CCDC88A: variants seen among roughly 807,000 people sequenced by gnomAD.
CCDC88A encodes girdin.
Under a neutral mutation model 234.3 loss-of-function variants are expected in CCDC88A, and 54 were observed. The observed-to-expected ratio is 0.23, with a 90% CI of 0.19 to 0.29. The LOEUF (loss-of-function observed/expected upper bound fraction) is 0.29. CCDC88A is among the 10% of genes least tolerant of loss of function. The probability of loss-of-function intolerance (pLI) is 1.00; values close to 1 mark genes in which losing one functional copy is unlikely to be tolerated. For missense variants in CCDC88A, 1,832 were observed against 2,123.4 expected (o/e 0.86, Z 2.70); for synonymous variants, 753 against 737.8 (o/e 1.02, Z -0.33).
At chr2:55,386,068 C>T (rs1675557979) in intron 3 of CCDC88A, among the ~76,000 whole-genome samples, 1 of 149,898 alleles carries the variant, frequency 6.7e-6, no homozygotes, top group Non-Finnish European at 1.5e-5. Flanking sequence ...ACTAAAAATA[C>T]AAAAATGAGC....
In CCDC88A at chr2:55,332,738, T is replaced by TA. The variant is rs200263842; in HGVS notation, c.2728-46dup. ...AAAACTCACCTAAGTGTCAAGGGTA[T>TA]AAACATCTAAGAAAGTCAGCTAAGA... On this transcript the variant is annotated intron_variant, in intron 15 of 32. Transcript: ENST00000436346. This position sits in a 1 kb window ranked among gnomAD's most constrained non-coding sequence, Gnocchi z 4.5. 24,120 of 1,581,364 alleles carry TA rather than the reference T, an allele frequency of 0.015. 240 individuals are homozygous for TA. Among genetic ancestry groups the TA allele is most frequent in the Middle Eastern group, 0.023 (136 of 5,946 alleles).
At chr2:55,296,810 C>A in intron 29 of CCDC88A, 1 of 295,796 alleles carries the variant, frequency 3.4e-6, no homozygotes, top group Non-Finnish European at 6.2e-6. Flanking sequence ...TCATACAAAG[C>A]ATTCAATATA....
At chr2:55,415,546 G>A (rs1231522040) in intron 2 of CCDC88A, among the ~76,000 whole-genome samples, 1 of 152,182 alleles carries the variant, frequency 6.6e-6, no homozygotes, top group East Asian at 1.9e-4. Flanking sequence ...AGGAAGAGGG[G>A]AATCCAGGCA....
rs138802311 is a variant in CCDC88A, at chr2:55,418,863, A to G, written c.117T>C (p.Tyr39=). Residue 39 remains tyrosine (Y), a synonymous_variant, in exon 2 of 33, where the codon TAT becomes TAC. Transcript: ENST00000436346. ...AGAATACCCCATCCACCAAAGCCAC[A>G]TATTCATCAAGGTTGGTCCCATTTC... The part of the protein sequence containing the change: ...AAGNGTNLDE[Y]VALVDGVFLN... 241 of 1,614,096 alleles carry G rather than the reference A, an allele frequency of 1.5e-4. No individual in the cohort carries two copies. Among genetic ancestry groups the G allele is most frequent in the Non-Finnish European group, 1.9e-4 (227 of 1,180,036 alleles).
At position 55,295,785 on chromosome 2, in the gene CCDC88A, G is replaced by A; in HGVS notation, c.5363C>T (p.Ser1788Phe). The change falls in exon 31 of 33, where the codon TCT becomes TTT. Residue 1788 changes from serine (S) to phenylalanine (F), a missense_variant. This residue lies in a region of CCDC88A where 422 missense variants were observed against 416.5 expected (regional missense o/e 1.01). Transcript: ENST00000436346. ...QGKIKLVKESSLSRQSKDSNP... is the reference protein window; with the variant it reads ...QGKIKLVKESFLSRQSKDSNP... Reference sequence around the variant, plus strand: ...ACTATCTTTTGATTGTCGTGACAGAGAAGATTCTTTTACTAATTTTATTTT... The same window carrying A: ...ACTATCTTTTGATTGTCGTGACAGAAAAGATTCTTTTACTAATTTTATTTT... The A allele has an allele frequency of 6.2e-7, 1 of 1,614,204 alleles. No individual in the cohort carries two copies.
chr2:55,346,411 T>C, intron 9 of CCDC88A, 78 bp from the exon 10 acceptor site: 1 of 621,502 alleles, frequency 1.6e-6, no homozygotes, highest in Non-Finnish European at 2.5e-6. Context: ...ATTTGAAATT[T>C]TATTTATTTA....
chr2:55,396,523 T>C (rs1299697448), intron 2 of CCDC88A, among the ~76,000 whole-genome samples: 1 of 152,140 alleles, frequency 6.6e-6, no homozygotes, highest in South Asian at 2.1e-4. Flanking sequence ...TTTACTCTTT[T>C]AGTTTTTCCT....
intron 2 of CCDC88A, among the ~76,000 whole-genome samples, chr2:55,415,414 G>A (rs1357580779): frequency 2.6e-5 from 4 of 152,258 alleles, no homozygotes; most frequent in East Asian, 1.9e-4. Flanking sequence ...TACATAAAAC[G>A]TTTTTCAAGA....
At chr2:55,404,199 A>G (rs1193463519) in intron 2 of CCDC88A, 1 of 152,210 alleles carries the variant, frequency 6.6e-6, no homozygotes, top group Non-Finnish European at 1.5e-5. Context: ...AATGAGAGAA[A>G]AATCCCAAAG....
intron 5 of CCDC88A, among the ~76,000 whole-genome samples, chr2:55,364,578 T>C (rs1202737136): frequency 6.6e-6 from 1 of 152,080 alleles, no homozygotes; most frequent in African/African-American, 2.4e-5. Flanking sequence ...CAGTTCAACA[T>C]TTATAACATA....
chr2:55,343,849 A>G, intron 11 of CCDC88A, 57 bp from the exon 12 acceptor site: 1 of 1,348,064 alleles, frequency 7.4e-7, no homozygotes, highest in Non-Finnish European at 1.0e-6. Flanking sequence ...TACAATTTTG[A>G]GCAAATACTT....
chr2:55,382,935 T>C (rs1674826771), intron 3 of CCDC88A, among the ~76,000 whole-genome samples: 2 of 152,134 alleles, frequency 1.3e-5, no homozygotes, highest in East Asian at 3.9e-4. Flanking sequence ...TCCATGAAAA[T>C]AGGGACATGG....
chr2:55,387,311 T>A (rs1372554956), intron 3 of CCDC88A, among the ~76,000 whole-genome samples: 2 of 151,354 alleles, frequency 1.3e-5, no homozygotes, highest in African/African-American at 4.9e-5. Context: ...TAAAAGAGAA[T>A]GACTAGAATT....
In CCDC88A at chr2:55,308,885, T is replaced by C. The variant is rs1359536143; in HGVS notation, c.4311A>G (p.Gln1437=). The change falls in exon 25 of 33, where the codon CAA becomes CAG. Residue 1437 remains glutamine, a synonymous_variant. Transcript: ENST00000436346. ...CTACTGAAGAACTATCTTGACTGTC[T>C]TGATGAGGGAGCTGAAGAAATCCTT... The part of the protein sequence containing the change: ...SSEGFLQLPH[Q]DSQDSSSVGS... 2.5e-6 allele frequency: 4 copies of C among 1,614,004 alleles called. No individual in the cohort carries two copies. The highest frequency in any genetic ancestry group is 1.7e-5 in the Admixed American group (1 of 59,994).
intron 19 of CCDC88A, among the ~76,000 whole-genome samples, chr2:55,318,574 G>T (rs574436296): frequency 7.8e-4 from 119 of 152,094 alleles, no homozygotes; most frequent in South Asian, 1.5e-3. Flanking sequence ...TAAAGCAAGG[G>T]TTTCTACCTA....
chr2:55,418,947 G>A (rs753582889), intron 1 of CCDC88A, 31 bp from the exon 2 acceptor site: 2 of 1,599,362 alleles, frequency 1.3e-6, no homozygotes, highest in South Asian at 2.2e-5. Flanking sequence ...ACCACGACAT[G>A]AACGCCCACC....
Position 55,332,711 on chromosome 2 carries a change from G to A in CCDC88A, c.2728-18C>T. On this transcript the variant is annotated intron_variant, in intron 15 of 32. Transcript: ENST00000436346. The surrounding 1 kb of genome is among the most constrained non-coding windows in gnomAD (Gnocchi z 4.5). ...ACCAAATCCTTATTTTAAAAGAAAT[G>A]CAAAACTCACCTAAGTGTCAAGGGT... 1 of 1,597,954 alleles carries A rather than the reference G, an allele frequency of 6.3e-7. No homozygotes were observed. The highest frequency in any genetic ancestry group is 2.3e-5 in the East Asian group (1 of 43,876).
intron 17 of CCDC88A, among the ~76,000 whole-genome samples, chr2:55,325,334 T>G (rs1684130641): frequency 6.6e-6 from 1 of 152,230 alleles, no homozygotes; most frequent in Non-Finnish European, 1.5e-5. Context: ...TTTTTCAATC[T>G]TTCATTGCTA....
At position 55,315,950 on chromosome 2, in the gene CCDC88A, G is replaced by T. The variant is rs757539488; in HGVS notation, c.3911C>A (p.Thr1304Asn). 5.6e-5 allele frequency: 87 copies of T among 1,560,770 alleles called. No individual in the cohort carries two copies. Among genetic ancestry groups the T allele is most frequent in the Non-Finnish European group, 6.6e-5 (76 of 1,156,338 alleles). Residue 1304 changes from threonine to asparagine, a missense_variant, in exon 22 of 33, where the codon ACC (threonine) becomes AAC (asparagine). Physicochemically the swap from Thr to Asn is moderately conservative, Grantham distance 65. Transcript: ENST00000436346. ...EQYQQLDITS[T>N]KLNNQCELLS... ...CACCTCACACTGGTTATTCAGCTTG[G>T]TTGATGTAATATCCAATTGTTGGTA...
Sources: gnomAD v4.1 joint callset for allele counts (sites outside exome capture counted in the v4.1 genomes callset) on GRCh38, gnomAD v4.1.1 for gene constraint, gnomAD v4.1.1 regional missense constraint, Gnocchi (gnomAD v3.1) non-coding constraint, MANE v1.5 for transcripts, NCBI Gene and HGNC (gene_info 2026-07-23, HGNC 2026-07-21) for gene names.